The following DAAM1 variants were observed in gnomAD, a reference collection of about 807,000 sequenced individuals.
DAAM1 encodes dishevelled associated activator of morphogenesis 1.
Under a neutral mutation model 130.0 loss-of-function variants are expected in DAAM1, and 52 were observed. That is an observed-to-expected ratio of 0.40 (90% confidence interval 0.32 to 0.50). DAAM1 has a LOEUF of 0.50. DAAM1 is among the 20% of genes least tolerant of loss of function. The pLI is 0.61. For missense variants in DAAM1, 1,134 were observed against 1,303.8 expected (o/e 0.87, Z 2.01); for synonymous variants, 452 against 444.5 (o/e 1.02, Z -0.21).
At chr14:59,367,962 A>G (rs1886986454) in intron 24 of DAAM1, among the ~76,000 whole-genome samples, 1 of 152,226 alleles carries the variant, frequency 6.6e-6, no homozygotes, top group Non-Finnish European at 1.5e-5. Flanking sequence ...TAACAGCCAT[A>G]TAATGGAATA....
At chr14:59,188,880 C>G (rs1566639681) in intron 1 of DAAM1, 112 bp downstream of exon 1, 2 of 153,252 alleles carry the variant, frequency 1.3e-5, no homozygotes, top group South Asian at 2.1e-4. Flanking sequence ...GCGGCGCGCC[C>G]TCCTGCTGCC....
chr14:59,364,328 GGTTT>G (rs1886830430), intron 23 of DAAM1, among the ~76,000 whole-genome samples: 1 of 151,678 alleles, frequency 6.6e-6, no homozygotes, highest in African/African-American at 2.4e-5. Flanking sequence ...CATTACAAGA[GGTTT>G]TTTTTTTTTT....
intron 2 of DAAM1, among the ~76,000 whole-genome samples, chr14:59,268,361 G>T (rs1187777474): frequency 6.6e-6 from 1 of 152,204 alleles, no homozygotes; most frequent in Non-Finnish European, 1.5e-5. Context: ...ATATATGTAG[G>T]AGCGGAATTA....
At chr14:59,365,052 T>G (rs1566511524) in intron 23 of DAAM1, among the ~76,000 whole-genome samples, 1 of 150,002 alleles carries the variant, frequency 6.7e-6, no homozygotes, top group African/African-American at 2.4e-5. Context: ...TCAAACATTT[T>G]TGTGTGTGAA....
At chr14:59,326,219 G>A (rs1027426478) in intron 10 of DAAM1, 142 bp downstream of exon 10, 11 of 781,126 alleles carry the variant, frequency 1.4e-5, no homozygotes, top group Admixed American at 1.4e-4. Context: ...AAGTATGTGT[G>A]TCTACATGGC....
At chr14:59,310,382 C>T (rs1884541580) in intron 3 of DAAM1, among the ~76,000 whole-genome samples, 1 of 152,108 alleles carries the variant, frequency 6.6e-6, no homozygotes, top group Non-Finnish European at 1.5e-5. Context: ...ATCCACCCAC[C>T]TCAGTCTCCC....
At chr14:59,296,658 C>A (rs1482249575) in intron 3 of DAAM1, among the ~76,000 whole-genome samples, 4 of 152,174 alleles carry the variant, frequency 2.6e-5, no homozygotes, top group Non-Finnish European at 5.9e-5. Context: ...TCTTTTACCA[C>A]TTTGACCCAC....
intron 1 of DAAM1, among the ~76,000 whole-genome samples, chr14:59,222,076 G>A (rs1252984): frequency 0.98 from 149,778 of 152,330 alleles, 73,681 homozygotes; most frequent in East Asian, 1. Flanking sequence ...TGTCAGCTAC[G>A]TAGCATGTAA....
intron 3 of DAAM1, among the ~76,000 whole-genome samples, chr14:59,294,769 TAAACTGAAGCTTTTTAAAC>T (rs149555655): frequency 0.016 from 2,511 of 152,332 alleles, 37 homozygotes; most frequent in Non-Finnish European, 0.025. Flanking sequence ...TCTTGGATTT[TAAACTGAAGCTTTTTAAAC>T]AATGAACCAT....
Position 59,352,580 on chromosome 14 carries a change from C to T in DAAM1, c.2215C>T (p.His739Tyr), listed in dbSNP as rs764336973. 6.2e-7 allele frequency: 1 copy of T among 1,613,590 alleles called. No individual in the cohort carries two copies. The highest frequency in any genetic ancestry group is 1.1e-5 in the South Asian group (1 of 90,914). ...SDIDLLEEHK[H>Y]ELDRMAKADR... is the part of the protein sequence containing the mutation. ...CATTGACCTATTGGAGGAACATAAA[C>T]ACGAACTGGATCGGATGGCCAAGGC... Residue 739 changes from histidine (H) to tyrosine (Y), a missense_variant, in exon 18 of 25, where the codon CAC becomes TAC. Physicochemically the swap from His to Tyr is moderately conservative, Grantham distance 83. Coordinates refer to ENST00000360909, the MANE Select transcript of DAAM1 (RefSeq NM_001270520.2).
chr14:59,282,138 C>T (rs1883249859), intron 2 of DAAM1, among the ~76,000 whole-genome samples: 1 of 152,132 alleles, frequency 6.6e-6, no homozygotes, highest in South Asian at 2.1e-4. Context: ...TTCCCCATAA[C>T]AAGTGGGCTC....
chr14:59,367,223 G>A (rs969144273), intron 23 of DAAM1, among the ~76,000 whole-genome samples: 30 of 152,044 alleles, frequency 2.0e-4, no homozygotes, highest in Non-Finnish European at 1.3e-4. Flanking sequence ...GAGAGACAGA[G>A]GTTGCAGTGA....
At chr14:59,237,812 T>C (rs1889348332) in intron 1 of DAAM1, among the ~76,000 whole-genome samples, 1 of 152,138 alleles carries the variant, frequency 6.6e-6, no homozygotes, top group Non-Finnish European at 1.5e-5. Flanking sequence ...ACTTTTCCAG[T>C]GAGTCCCATA....
chr14:59,296,539 A>G (rs916674997), intron 3 of DAAM1, among the ~76,000 whole-genome samples: 3 of 152,172 alleles, frequency 2.0e-5, no homozygotes, highest in African/African-American at 7.2e-5. Context: ...ATCAAATAGT[A>G]ATCAAATGTT....
intron 1 of DAAM1, among the ~76,000 whole-genome samples, chr14:59,236,378 G>T (rs189788941): frequency 6.6e-6 from 1 of 152,020 alleles, no homozygotes. Flanking sequence ...CTGTGACCTG[G>T]CTTCTTGCCT....
At chr14:59,358,925 A>T (rs1395653473) in intron 20 of DAAM1, among the ~76,000 whole-genome samples, 1 of 151,952 alleles carries the variant, frequency 6.6e-6, no homozygotes, top group Non-Finnish European at 1.5e-5. Context: ...TTTCGGTGGA[A>T]TAAACATCCC....
At chr14:59,258,133 G>A (rs1476598638) in intron 1 of DAAM1, among the ~76,000 whole-genome samples, 1 of 152,050 alleles carries the variant, frequency 6.6e-6, no homozygotes, top group Non-Finnish European at 1.5e-5. Flanking sequence ...TCTTCCCTTA[G>A]TGCCCAGCAC....
At chr14:59,342,162 A>G (rs1247836453) in intron 16 of DAAM1, among the ~76,000 whole-genome samples, 1 of 152,218 alleles carries the variant, frequency 6.6e-6, no homozygotes, top group African/African-American at 2.4e-5. Context: ...CTGGCCTCGT[A>G]TCTGTCAGAT....
At chr14:59,338,765 C>T (rs1885731251) in intron 15 of DAAM1, among the ~76,000 whole-genome samples, 1 of 151,736 alleles carries the variant, frequency 6.6e-6, no homozygotes, top group African/African-American at 2.4e-5. Flanking sequence ...TTTTTTTCCT[C>T]CTAATTCCTG....
Sources: gnomAD v4.1 joint callset for allele counts (sites outside exome capture counted in the v4.1 genomes callset) on GRCh38, gnomAD v4.1.1 for gene constraint, MANE v1.5 for transcripts, NCBI Gene and HGNC (gene_info 2026-07-23, HGNC 2026-07-21) for gene names.